TENM4: variants seen among roughly 807,000 people sequenced by gnomAD.
TENM4 encodes the protein teneurin-4.
In TENM4, 82 loss-of-function variants were observed where a neutral mutation model predicts 243.3. The ratio of observed to expected loss-of-function variants is 0.34; its 90% CI spans 0.28 to 0.40. TENM4 has a LOEUF of 0.40. Among genes scored for constraint, TENM4 ranks in the 10% least tolerant of loss-of-function variants. The pLI, the probability that TENM4 is intolerant of heterozygous loss-of-function variation, is 1.00. For synonymous variants in TENM4, 1,412 were observed against 1,456.3 expected (o/e 0.97, Z 0.69); for missense variants, 3,138 against 3,673.3 (o/e 0.85, Z 3.77).
chr11:79,093,589 C>G (rs1286014235), intron 4 of TENM4: 1 of 152,260 alleles, frequency 6.6e-6, no homozygotes, highest in Non-Finnish European at 1.5e-5. Context: ...TATTTATGGT[C>G]CAGTGTGGGA....
intron 6 of TENM4, among the ~76,000 whole-genome samples, chr11:78,949,248 C>T (rs746782296): frequency 2.0e-5 from 3 of 152,188 alleles, no homozygotes; most frequent in Admixed American, 6.5e-5. Context: ...GCGTTTTGAA[C>T]CCTCAGCAGG....
chr11:78,928,570 A>T (rs191263321), intron 6 of TENM4, among the ~76,000 whole-genome samples: 1 of 152,350 alleles, frequency 6.6e-6, no homozygotes, highest in Admixed American at 6.5e-5. Flanking sequence ...GGGGGTTACA[A>T]GTCTGGGCTT....
At chr11:79,321,423 A>C (rs1002709623) in intron 1 of TENM4, among the ~76,000 whole-genome samples, 2 of 152,186 alleles carry the variant, frequency 1.3e-5, no homozygotes, top group South Asian at 4.1e-4. Context: ...GAAAGCGTTT[A>C]CAGCAACACT....
At chr11:79,341,618 T>C (rs958223541) in intron 1 of TENM4, among the ~76,000 whole-genome samples, 2 of 152,040 alleles carry the variant, frequency 1.3e-5, no homozygotes, top group Non-Finnish European at 2.9e-5. Flanking sequence ...GAAAGTAGGG[T>C]AAAAGGGTAG....
At chr11:79,364,573 AT>A (rs1857644895) in intron 1 of TENM4, among the ~76,000 whole-genome samples, 2 of 152,246 alleles carry the variant, frequency 1.3e-5, no homozygotes, top group Non-Finnish European at 2.9e-5. Flanking sequence ...ATATGATATT[AT>A]TTAACAATGA....
intron 19 of TENM4, among the ~76,000 whole-genome samples, chr11:78,742,330 GTCT>G (rs1260658703): frequency 1.3e-5 from 2 of 152,140 alleles, no homozygotes; most frequent in Non-Finnish European, 2.9e-5. Flanking sequence ...CTAAAGCTAG[GTCT>G]TCTTACTTCT....
intron 6 of TENM4, among the ~76,000 whole-genome samples, chr11:78,970,399 C>T (rs1010401256): frequency 1.3e-5 from 2 of 152,132 alleles, no homozygotes; most frequent in African/African-American, 4.8e-5. Flanking sequence ...ACTATTCGTT[C>T]GGGTTTGTCA....
chr11:78,683,646 TGCGCGCACACACTG>T, intron 29 of TENM4, among the ~76,000 whole-genome samples: 1 of 141,938 alleles, frequency 7.0e-6, no homozygotes, highest in Non-Finnish European at 1.5e-5. Flanking sequence ...TCGCGCACGG[TGCGCGCACACACTG>T]GCCTGCGCCC....
At chr11:79,395,474 C>T (rs1459020210) in intron 1 of TENM4, among the ~76,000 whole-genome samples, 1 of 152,168 alleles carries the variant, frequency 6.6e-6, no homozygotes, top group East Asian at 1.9e-4. Flanking sequence ...CTGAAGAGGA[C>T]CGGGCATACA....
chr11:78,888,376 G>A lies in TENM4; in HGVS notation c.1084+1409C>T, dbSNP rs1282729554. ...ATGCCACCTTGGCCTTGGAGCCATG[G>A]AATTGTCTAAGCCAATATTCAGAAG... On this transcript the variant is annotated intron_variant, in intron 9 of 33. Coordinates refer to ENST00000278550, the MANE Select transcript of TENM4 (RefSeq NM_001098816.3). Among the ~76,000 whole-genome samples, 31 of 152,198 alleles carry A rather than the reference G, an allele frequency of 2.0e-4. 1 individual carries two copies. Among genetic ancestry groups the A allele is most frequent in the Admixed American group, 2.0e-3 (31 of 15,276 alleles).
intron 4 of TENM4, among the ~76,000 whole-genome samples, chr11:79,139,726 ATAT>A (rs1299993565): frequency 3.3e-5 from 3 of 89,742 alleles, no homozygotes; most frequent in African/African-American, 1.3e-4. Flanking sequence ...TATAAAATAT[ATAT>A]TATATTTATA....
chr11:79,029,113 G>A (rs1019354901), intron 6 of TENM4, among the ~76,000 whole-genome samples: 5 of 152,030 alleles, frequency 3.3e-5, no homozygotes, highest in African/African-American at 9.7e-5. Flanking sequence ...ACAGGCCATC[G>A]TTACCTCTCT....
chr11:79,156,239 T>C (rs766747049), intron 3 of TENM4, among the ~76,000 whole-genome samples: 1 of 152,190 alleles, frequency 6.6e-6, no homozygotes, highest in Non-Finnish European at 1.5e-5. Flanking sequence ...GTAGAGTCTG[T>C]CCTGCACAGA....
At chr11:79,383,355 A>G (rs1165738654) in intron 1 of TENM4, among the ~76,000 whole-genome samples, 1 of 151,920 alleles carries the variant, frequency 6.6e-6, no homozygotes, top group African/African-American at 2.4e-5. Context: ...GTTTGGTTCC[A>G]CCCCCAGGTG....
At chr11:79,283,020 G>C (rs184175509) in intron 2 of TENM4, among the ~76,000 whole-genome samples, 32 of 152,158 alleles carry the variant, frequency 2.1e-4, no homozygotes, top group African/African-American at 7.2e-4. Flanking sequence ...ACATGATAAG[G>C]CATGACTATT....
chr11:79,200,654 G>T (rs1320526392), intron 3 of TENM4, among the ~76,000 whole-genome samples: 1 of 152,172 alleles, frequency 6.6e-6, no homozygotes, highest in East Asian at 1.9e-4. Context: ...TCTCTCTTTG[G>T]CTCAGCTGAC....
In TENM4 at chr11:78,856,057, G is replaced by A. The variant is rs376949480; in HGVS notation, c.1377C>T (p.Asp459=). 1.4e-5 allele frequency: 22 copies of A among 1,551,594 alleles called. No homozygotes were observed. The highest frequency in any genetic ancestry group is 1.8e-5 in the Non-Finnish European group (21 of 1,147,010). The change falls in exon 11 of 34, where the codon GAC becomes GAT. Residue 459 remains aspartate, a synonymous_variant. Coordinates refer to ENST00000278550, the MANE Select transcript of TENM4 (RefSeq NM_001098816.3). Reference sequence around the variant, plus strand: ...CATTGAATTTCAGATGCACAGGATGGTCTATGAACACTTGAGATCTCCAGA... The same window carrying A: ...CATTGAATTTCAGATGCACAGGATGATCTATGAACACTTGAGATCTCCAGA... ...GTFWRSQVFI[D]HPVHLKFNVS... is the part of the protein sequence containing the mutation.
At chr11:79,270,468 T>C (rs1855950588) in intron 2 of TENM4, among the ~76,000 whole-genome samples, 1 of 152,176 alleles carries the variant, frequency 6.6e-6, no homozygotes, top group African/African-American at 2.4e-5. Context: ...CCTAAATGAT[T>C]TGGGATCATC....
chr11:78,938,928 G>A (rs1389788216), intron 6 of TENM4, among the ~76,000 whole-genome samples: 1 of 152,108 alleles, frequency 6.6e-6, no homozygotes, highest in Non-Finnish European at 1.5e-5. Flanking sequence ...TTGGACTAAC[G>A]AAGCCCAGAA....
Sources: allele counts gnomAD v4.1 joint callset (sites outside exome capture counted in the v4.1 genomes callset), GRCh38; gene constraint gnomAD v4.1.1; transcripts MANE v1.5; gene names NCBI Gene and HGNC (gene_info 2026-07-23, HGNC 2026-07-21).